The following TTLL3 variants were observed in gnomAD, a reference collection of about 807,000 sequenced individuals.
The protein encoded by TTLL3 is tubulin tyrosine ligase like 3, also known as tubulin monoglycylase TTLL3.
TTLL3 carries 63 observed loss-of-function variants against 75.2 expected under a neutral mutation model. That is an observed-to-expected ratio of 0.84 (90% CI 0.68 to 1.03). The LOEUF is 1.03. Ranked by LOEUF, TTLL3 falls within the 50% of genes least tolerant of loss-of-function variation. TTLL3 has a pLI of 0.00. For synonymous variants in TTLL3, 393 were observed against 418.5 expected (o/e 0.94, Z 0.74); for missense variants, 997 against 1,069.9 (o/e 0.93, Z 0.95).
chr3:9,816,616 A>G (rs999498073), intron 5 of TTLL3, among the ~76,000 whole-genome samples: 1 of 142,034 alleles, frequency 7.0e-6, no homozygotes, highest in Non-Finnish European at 1.5e-5. Flanking sequence ...TCCCAGTTCA[A>G]GCAATTCTCC....
At chr3:9,815,999 AG>A in intron 4 of TTLL3, 74 bp from the exon 5 acceptor site, 1 of 1,257,822 alleles carries the variant, frequency 8.0e-7, no homozygotes. Context: ...CCTGCTCAGC[AG>A]GGCAGGGAGA....
At chr3:9,818,982 C>T (rs1559739418) in intron 7 of TTLL3, 62 bp downstream of exon 7, 11 of 1,606,100 alleles carry the variant, frequency 6.8e-6, no homozygotes, top group African/African-American at 4.0e-5. Context: ...CGCCCTTCCA[C>T]CTATCTGCCC....
intron 7 of TTLL3, 127 bp from the exon 8 acceptor site, chr3:9,820,419 T>C: frequency 1.3e-6 from 2 of 1,531,044 alleles, no homozygotes; most frequent in South Asian, 2.6e-5. Context: ...CCCAGGGCAG[T>C]AGGGGATCTA....
rs180924139 is a variant in TTLL3, at chr3:9,826,152, T to G, written c.1003+204T>G. ...TCCCTCATCTGTGACATGAGGAGGA[T>G]GATAATACCTCCTGTGAGGTGAGGA... On this transcript the variant is annotated intron_variant, in intron 9 of 13. Transcript: ENST00000685419. Among the ~76,000 whole-genome samples, 258 of 152,308 alleles carry G rather than the reference T, an allele frequency of 1.7e-3. 1 individual carries two copies. The highest frequency in any genetic ancestry group is 5.2e-3 in the Admixed American group (79 of 15,302).
Position 9,835,841 on chromosome 3 carries a change from G to A in TTLL3, c.*352G>A. ...CCTAAACCTCAGCCCTTCTGCAGAG[G>A]GCATGGGTCTATCCCTTCTTCAGCA... On this transcript the variant is annotated 3_prime_UTR_variant, in exon 14 of 14. Transcript: ENST00000685419. 1 of 246,114 alleles carries A rather than the reference G, an allele frequency of 4.1e-6. No homozygotes were observed. The highest frequency in any genetic ancestry group is 9.1e-5 in the East Asian group (1 of 10,974). 15.2% of individuals were successfully genotyped at this position (246,114 alleles called of 1,614,324 possible).
In TTLL3 at chr3:9,825,918, G is replaced by A. The variant is rs754619006; in HGVS notation, c.973G>A (p.Val325Met). Residue 325 changes from valine (V) to methionine (M), a missense_variant, in exon 9 of 14, where the codon GTG (valine) becomes ATG (methionine). Transcript: ENST00000685419. Reference sequence around the variant, plus strand: ...GGAAGGGGATCGCAACATCTGGATCGTGAAGCCAGGAGCCAAGTCCCGCGG... The same window carrying A: ...GGAAGGGGATCGCAACATCTGGATCATGAAGCCAGGAGCCAAGTCCCGCGG... The part of the protein sequence containing the change: ...DMEGDRNIWI[V>M]KPGAKSRGRG... 4.0e-5 allele frequency: 65 copies of A among 1,613,888 alleles called. No individual in the cohort carries two copies. Among genetic ancestry groups the A allele is most frequent in the Non-Finnish European group, 5.3e-5 (62 of 1,179,906 alleles).
intron 4 of TTLL3, among the ~76,000 whole-genome samples, chr3:9,813,893 C>T (rs554585876): frequency 1.2e-4 from 18 of 152,216 alleles, no homozygotes; most frequent in African/African-American, 3.1e-4. Context: ...TAGGTCATAC[C>T]AGATGCCAGC....
intron 10 of TTLL3, chr3:9,828,742 G>A (rs1456028608): frequency 1.8e-5 from 11 of 611,564 alleles, no homozygotes; most frequent in South Asian, 8.4e-5. Context: ...CGTAACTAGC[G>A]CCCTCAGAGC....
chr3:9,825,661 G>C, intron 8 of TTLL3, 139 bp from the exon 9 acceptor site: 1 of 1,496,158 alleles, frequency 6.7e-7, no homozygotes, highest in Non-Finnish European at 9.1e-7. Flanking sequence ...GCTTGGGAGG[G>C]ACCTATGGAT....
In TTLL3 at chr3:9,827,138, A is replaced by G; in HGVS notation, c.1145A>G (p.Gln382Arg). The G allele has an allele frequency of 1.2e-6, 2 of 1,614,254 alleles. No individual in the cohort carries two copies. The highest frequency in any genetic ancestry group is 8.5e-7 in the Non-Finnish European group (1 of 1,180,042). Reference protein sequence around the residue: ...LIFGTKFDLRQWFLVTDWNPL... With the variant: ...LIFGTKFDLRRWFLVTDWNPL... ...TTTGGCACCAAGTTTGACCTCAGAC[A>G]GTGGTTCCTGGTAACTGACTGGAAC... is the stretch of plus-strand genomic sequence containing the variant. Residue 382 changes from glutamine (Q) to arginine (R), a missense_variant, in exon 10 of 14, where the codon CAG (glutamine) becomes CGG (arginine). Coordinates refer to ENST00000685419, the MANE Select transcript of TTLL3 (RefSeq NM_001387446.1).
At chr3:9,820,479 G>A in intron 7 of TTLL3, 67 bp from the exon 8 acceptor site, 1 of 1,591,880 alleles carries the variant, frequency 6.3e-7, no homozygotes, top group Non-Finnish European at 8.6e-7. Context: ...AGGACAATGG[G>A]GGCTGTGGCA....
chr3:9,813,154 C>A lies in TTLL3; in HGVS notation c.217+43C>A, dbSNP rs573898042. On this transcript the variant is annotated intron_variant, in intron 3 of 13. Coordinates refer to ENST00000685419, the MANE Select transcript of TTLL3 (RefSeq NM_001387446.1). ...TTTCCACAGCTGTTGCTCCTGAGTC[C>A]TTTTCCTTTGGTTCCCACTGTCCCA... The A allele has an allele frequency of 3.4e-5, 54 of 1,601,898 alleles. 1 individual carries two copies. In the South Asian group the frequency reaches 5.2e-4, roughly 15 times the overall value.
chr3:9,832,981 GAAAC>G lies in TTLL3; in HGVS notation c.1684-122_1684-119del. The G allele has an allele frequency of 4.9e-6, 6 of 1,228,994 alleles. No homozygotes were observed. The South Asian group carries it at 8.2e-5, about 17-fold the overall frequency. The allele number at this position is 1,228,994 out of a possible 1,614,324, so 76.1% of individuals were successfully genotyped here. ...GGTGGGCTTTCCATTTCTCAGCTCA[GAAAC>G]GCCTCTTTGACCAGGTGCCTCAGAA... On this transcript the variant is annotated intron_variant, in intron 11 of 13. Transcript: ENST00000685419.
chr3:9,811,199 G>A (rs924475223), intron 2 of TTLL3, among the ~76,000 whole-genome samples: 1 of 152,082 alleles, frequency 6.6e-6, no homozygotes, highest in Admixed American at 6.6e-5. Context: ...TCAGTGTGCT[G>A]CACCCTCTCC....
At chr3:9,828,653 C>T in intron 10 of TTLL3, 1 of 414,952 alleles carries the variant, frequency 2.4e-6, no homozygotes, top group Non-Finnish European at 4.4e-6. Context: ...CGGGGCCATA[C>T]CCTTACCCAC....
chr3:9,828,095 T>C (rs1267374199), intron 10 of TTLL3: 1 of 140,630 alleles, frequency 7.1e-6, no homozygotes, highest in African/African-American at 2.7e-5. Context: ...TGAACTGAGA[T>C]CGTGCCATTG....
chr3:9,823,899 C>G (rs17050587), intron 8 of TTLL3, among the ~76,000 whole-genome samples: 6,265 of 152,250 alleles, frequency 0.041, 173 homozygotes, highest in African/African-American at 0.079. Context: ...TGGTTTAGTT[C>G]AGGACATTTT....
chr3:9,819,816 CAAGG>C, intron 7 of TTLL3: 3 of 985,400 alleles, frequency 3.0e-6, no homozygotes, highest in Non-Finnish European at 3.6e-6. Flanking sequence ...GTGTCATGCA[CAAGG>C]AAGGCTTGGT....
rs1575381136 is a variant in TTLL3, at chr3:9,820,706, G to C, written c.819G>C (p.Trp273Cys). The change falls in exon 8 of 14, where the codon TGG (tryptophan) becomes TGC (cysteine). Residue 273 changes from tryptophan to cysteine, a missense_variant. By Grantham distance (215) the Trp-to-Cys change is radical (BLOSUM62 -2). Transcript: ENST00000685419. ...EAPLYLTPEG[W>C]SLFLQRYYQV... ...CGCTGTACCTCACCCCCGAGGGCTGGTCCCTCTTCCTCCAGCGCTACTACC... is the reference window on the plus strand; with the variant it reads ...CGCTGTACCTCACCCCCGAGGGCTGCTCCCTCTTCCTCCAGCGCTACTACC... 6.2e-7 allele frequency: 1 copy of C among 1,614,116 alleles called. No homozygotes were observed. The highest frequency in any genetic ancestry group is 8.5e-7 in the Non-Finnish European group (1 of 1,180,020).
Sources: allele counts gnomAD v4.1 joint callset (sites outside exome capture counted in the v4.1 genomes callset), GRCh38; gene constraint gnomAD v4.1.1; transcripts MANE v1.5; gene names NCBI Gene and HGNC (gene_info 2026-07-23, HGNC 2026-07-21).